TGS1: variants seen among roughly 807,000 people sequenced by gnomAD.
TGS1 encodes trimethylguanosine synthase 1.
Under a neutral mutation model 92.2 loss-of-function variants are expected in TGS1, and 69 were observed. The observed-to-expected ratio is 0.75, with a 90% confidence interval of 0.62 to 0.91. The LOEUF (loss-of-function observed/expected upper bound fraction) is 0.91, where lower values mean the gene tolerates loss of function less well. Among genes scored for constraint, TGS1 ranks in the 40% least tolerant of loss-of-function variants. The pLI is 0.00. For synonymous variants in TGS1, 345 were observed against 338.1 expected (o/e 1.02, Z -0.22); for missense variants, 1,062 against 1,001.2 (o/e 1.06, Z -0.82).
At chr8:55,794,296 T>A (rs1411477822) in intron 6 of TGS1, among the ~76,000 whole-genome samples, 1 of 152,110 alleles carries the variant, frequency 6.6e-6, no homozygotes, top group Non-Finnish European at 1.5e-5. Context: ...CCTCAAGTGA[T>A]CCTCCCATCT....
At chr8:55,789,892 C>T (rs1460578310) in intron 4 of TGS1, among the ~76,000 whole-genome samples, 2 of 152,116 alleles carry the variant, frequency 1.3e-5, no homozygotes, top group African/African-American at 2.4e-5. Flanking sequence ...CTTTTTATAC[C>T]ACCAGTTAGG....
At chr8:55,805,381 A>G (rs1312800298) in intron 10 of TGS1, among the ~76,000 whole-genome samples, 1 of 152,220 alleles carries the variant, frequency 6.6e-6, no homozygotes, top group Admixed American at 6.5e-5. Context: ...GAAATAATTT[A>G]AAAGGTAGGA....
At position 55,802,488 on chromosome 8, in the gene TGS1, G is replaced by C. The variant is rs1237650912; in HGVS notation, c.1881G>C (p.Lys627Asn). 6.8e-6 allele frequency: 11 copies of C among 1,613,678 alleles called. No individual in the cohort carries two copies. The highest frequency in any genetic ancestry group is 9.3e-6 in the Non-Finnish European group (11 of 1,179,880). Residue 627 changes from lysine (K) to asparagine (N), a missense_variant, in exon 9 of 13, where the codon AAG becomes AAC. Physicochemically the swap from Lys to Asn is moderately conservative, Grantham distance 94. Transcript: ENST00000260129. ...TGAAAAAGAAGAAGAACAAGAAGAA[G>C]AACAAAAAGGTGAATGGTCTGCCTC... ...AEVKKKKNKK[K>N]NKKVNGLPPE...
intron 7 of TGS1, among the ~76,000 whole-genome samples, chr8:55,797,800 T>C (rs1187482844): frequency 1.3e-5 from 2 of 152,206 alleles, no homozygotes; most frequent in African/African-American, 4.8e-5. Context: ...GACTCCATGA[T>C]GTCTCTGTCT....
At chr8:55,795,532 C>G (rs555938735) in intron 6 of TGS1, among the ~76,000 whole-genome samples, 1 of 152,212 alleles carries the variant, frequency 6.6e-6, no homozygotes, top group East Asian at 1.9e-4. Flanking sequence ...TATTTTGATA[C>G]GAAGGGTTCG....
chr8:55,786,680 CT>C lies in TGS1; in HGVS notation c.786del (p.Phe262LeufsTer27), dbSNP rs1811723645. The C allele has an allele frequency of 6.2e-7, 1 of 1,614,022 alleles. No individual in the cohort carries two copies. Among genetic ancestry groups the C allele is most frequent in the African/African-American group, 1.3e-5 (1 of 74,912 alleles). ...CAGTATTGGGAAGCTCAGGGTTGGA[CT>C]TTTGATGCCTCGCAAAGCTGTGATA... ...QFQYWEAQGW[T>X]FDASQSCDTD... On this transcript the variant is annotated frameshift_variant, in exon 4 of 13. Transcript: ENST00000260129. LOFTEE classifies it high-confidence loss of function.
At chr8:55,803,981 G>A (rs1327812084) in intron 9 of TGS1, among the ~76,000 whole-genome samples, 2 of 152,094 alleles carry the variant, frequency 1.3e-5, no homozygotes, top group Non-Finnish European at 2.9e-5. Flanking sequence ...TCTGAAAAAT[G>A]TAAATTTTTT....
intron 6 of TGS1, among the ~76,000 whole-genome samples, chr8:55,794,015 A>AT (rs1481100904): frequency 6.1e-4 from 93 of 152,244 alleles, no homozygotes; most frequent in Admixed American, 2.3e-3. Context: ...AATGTACCAT[A>AT]GACACTCTTT....
At chr8:55,787,825 CCTCAGGAACCTTCCAATTATGGCAGA>C (rs1265841854) in intron 4 of TGS1, among the ~76,000 whole-genome samples, 1 of 152,172 alleles carries the variant, frequency 6.6e-6, no homozygotes, top group Non-Finnish European at 1.5e-5. Context: ...CTGGTGAGGG[CCTCAGGAACCTTCCAATTATGGCAGA>C]AGGTGAAAGG....
At chr8:55,805,241 A>G (rs1426516127) in intron 10 of TGS1, among the ~76,000 whole-genome samples, 1 of 152,212 alleles carries the variant, frequency 6.6e-6, no homozygotes, top group Non-Finnish European at 1.5e-5. Flanking sequence ...ACCCTTGGAC[A>G]ATACAGGTTT....
At chr8:55,782,242 T>A (rs1049994804) in intron 1 of TGS1, among the ~76,000 whole-genome samples, 10 of 152,012 alleles carry the variant, frequency 6.6e-5, no homozygotes, top group Admixed American at 2.0e-4. Context: ...AGTGCAGTGG[T>A]GTGATCTCAG....
intron 5 of TGS1, among the ~76,000 whole-genome samples, chr8:55,790,939 C>A (rs775719561): frequency 2.8e-4 from 42 of 150,914 alleles, no homozygotes; most frequent in Non-Finnish European, 5.2e-4. Flanking sequence ...TGGATCATAA[C>A]TTTTAACTAA....
chr8:55,806,932 T>G (rs1195667947), intron 10 of TGS1, among the ~76,000 whole-genome samples: 1 of 146,812 alleles, frequency 6.8e-6, no homozygotes, highest in Non-Finnish European at 1.5e-5. Flanking sequence ...TAATTTTTTT[T>G]TTTCTTTTTT....
At chr8:55,782,286 A>G (rs972435599) in intron 1 of TGS1, among the ~76,000 whole-genome samples, 5 of 151,866 alleles carry the variant, frequency 3.3e-5, no homozygotes, top group Non-Finnish European at 1.5e-5. Flanking sequence ...GATTTAAGCA[A>G]TTCTCCTGCC....
At chr8:55,783,869 A>G (rs1324237352) in intron 2 of TGS1, among the ~76,000 whole-genome samples, 1 of 152,232 alleles carries the variant, frequency 6.6e-6, no homozygotes, top group Non-Finnish European at 1.5e-5. Context: ...CTATAACACT[A>G]GGCTCCTCGA....
At chr8:55,823,775 A>T (rs1803717844) in intron 12 of TGS1, among the ~76,000 whole-genome samples, 1 of 152,186 alleles carries the variant, frequency 6.6e-6, no homozygotes, top group South Asian at 2.1e-4. Flanking sequence ...GTTAAGAAAT[A>T]AACCTGGGGA....
intron 10 of TGS1, among the ~76,000 whole-genome samples, chr8:55,805,462 A>C (rs7826034): frequency 0.15 from 22,860 of 152,218 alleles, 1,998 homozygotes; most frequent in African/African-American, 0.24. Context: ...AATATGCACA[A>C]ATCTGTTATA....
intron 7 of TGS1, among the ~76,000 whole-genome samples, chr8:55,796,904 T>C (rs1812071369): frequency 6.6e-6 from 1 of 151,988 alleles, no homozygotes; most frequent in South Asian, 2.1e-4. Flanking sequence ...GGCAGGAGAA[T>C]TGCTTGAAAT....
intron 3 of TGS1, 105 bp downstream of exon 3, chr8:55,785,996 T>A (rs1811698903): frequency 1.1e-6 from 1 of 891,606 alleles, no homozygotes; most frequent in African/African-American, 1.7e-5. Flanking sequence ...ATCAGCGCTC[T>A]CTACCTCTTT....
Sources: gnomAD v4.1 joint callset for allele counts (sites outside exome capture counted in the v4.1 genomes callset) on GRCh38, gnomAD v4.1.1 for gene constraint, MANE v1.5 for transcripts, NCBI Gene and HGNC (gene_info 2026-07-23, HGNC 2026-07-21) for gene names.